The following DLC1 variants were observed in gnomAD, a reference collection of about 807,000 sequenced individuals.
DLC1 encodes DLC1 Rho GTPase activating protein, also known as rho GTPase-activating protein 7.
A neutral mutation model predicts 140.3 loss-of-function variants in DLC1; 54 were observed. The ratio of observed to expected loss-of-function variants is 0.38; its 90% CI spans 0.31 to 0.48. The LOEUF is 0.48. DLC1 is among the 20% of genes least tolerant of loss of function. The pLI is 0.96. For missense variants in DLC1, 2,536 were observed against 1,907.0 expected, an observed-to-expected ratio of 1.33 and a Z score of -6.14; for synonymous variants, 986 against 728.1, an observed-to-expected ratio of 1.35 and a Z score of -5.70.
chr8:13,493,270 G>A (rs932438781), intron 2 of DLC1, among the ~76,000 whole-genome samples: 6 of 152,138 alleles, frequency 3.9e-5, no homozygotes, highest in African/African-American at 1.4e-4. Flanking sequence ...TTCCCTCCTT[G>A]TCGGCTGATA....
At chr8:13,141,645 C>G (rs1933234966) in intron 5 of DLC1, among the ~76,000 whole-genome samples, 1 of 152,124 alleles carries the variant, frequency 6.6e-6, no homozygotes, top group Admixed American at 6.6e-5. Context: ...AAGCACAGTT[C>G]CCTTTCTTCG....
In DLC1 at chr8:13,191,159, C is replaced by G. The variant is rs1826730853; in HGVS notation, c.1349-75502G>C. On this transcript the variant is annotated intron_variant, in intron 5 of 17. Coordinates refer to ENST00000276297, the MANE Select transcript of DLC1 (RefSeq NM_182643.3). ...TGGAGTTCCTGAGGCCTCTTCGTAG[C>G]CACATGATTTATAGGAAGCCAAAGA... Among the ~76,000 whole-genome samples the G allele has an allele frequency of 2.6e-5, 4 of 152,218 alleles. No individual in the cohort carries two copies. The South Asian group carries it at 8.3e-4, about 31-fold the overall frequency.
At chr8:13,586,126 C>T (rs925541831) in intron 1 of DLC1, among the ~76,000 whole-genome samples, 2 of 152,068 alleles carry the variant, frequency 1.3e-5, no homozygotes, top group Non-Finnish European at 2.9e-5. Context: ...GCTAATTGTC[C>T]TAGGATAGAG....
At chr8:13,164,712 C>G (rs1003679510) in intron 5 of DLC1, among the ~76,000 whole-genome samples, 1 of 152,194 alleles carries the variant, frequency 6.6e-6, no homozygotes, top group African/African-American at 2.4e-5. Flanking sequence ...GCTCTTTCCT[C>G]TGTCATAATT....
intron 3 of DLC1, among the ~76,000 whole-genome samples, chr8:13,397,266 C>CAGATAA: frequency 6.6e-6 from 1 of 152,104 alleles, no homozygotes; most frequent in Non-Finnish European, 1.5e-5. Flanking sequence ...TATTCAAAGC[C>CAGATAA]AGATAAAGGG....
At chr8:13,295,912 C>A (rs903599437) in intron 5 of DLC1, among the ~76,000 whole-genome samples, 4 of 136,970 alleles carry the variant, frequency 2.9e-5, no homozygotes, top group Non-Finnish European at 6.2e-5. Context: ...AATTTGAAGA[C>A]ATCTAAGAGA....
chr8:13,506,054 T>C (rs1269049713), intron 1 of DLC1, among the ~76,000 whole-genome samples: 1 of 144,008 alleles, frequency 6.9e-6, no homozygotes, highest in African/African-American at 2.5e-5. Flanking sequence ...GATACATATA[T>C]GTGTGTGTGT....
In DLC1 at chr8:13,187,867, C is replaced by T. The variant is rs117605624; in HGVS notation, c.1349-72210G>A. ...TCCTCGGCTCCCCAACCCTCTAGCA[C>T]CAGCCTGAATAGTTGTTTCTTTGTA... is the stretch of plus-strand genomic sequence containing the variant. On this transcript the variant is annotated intron_variant, in intron 5 of 17. Transcript: ENST00000276297. 6.6e-3 allele frequency among the ~76,000 whole-genome samples: 1,003 copies of T among 152,246 alleles called. 7 individuals carry two copies. Among genetic ancestry groups the T allele is most frequent in the Non-Finnish European group, 9.2e-3 (629 of 68,024 alleles).
Sources: gnomAD v4.1 joint callset for allele counts (sites outside exome capture counted in the v4.1 genomes callset) on GRCh38, gnomAD v4.1.1 for gene constraint, MANE v1.5 for transcripts, NCBI Gene and HGNC (gene_info 2026-07-23, HGNC 2026-07-21) for gene names.